Variants in SNTB2 observed in about 807,000 individuals in gnomAD.
SNTB2 encodes beta-2-syntrophin.
SNTB2 carries 34 observed loss-of-function variants against 46.2 expected under a neutral mutation model. That is an observed-to-expected ratio of 0.74 (90% CI 0.56 to 0.98). The LOEUF is 0.98. Ranked by LOEUF, SNTB2 falls within the 50% of genes least tolerant of loss-of-function variation. The pLI, the probability that SNTB2 is intolerant of heterozygous loss-of-function variation, is 0.00. For missense variants in SNTB2, 603 were observed against 731.4 expected, an observed-to-expected ratio of 0.82 and a Z score of 2.02; for synonymous variants, 290 against 312.6, an observed-to-expected ratio of 0.93 and a Z score of 0.76.
chr16:69,194,889 T>C (rs1964088383), intron 1 of SNTB2, among the ~76,000 whole-genome samples: 1 of 152,162 alleles, frequency 6.6e-6, no homozygotes, highest in Non-Finnish European at 1.5e-5. Flanking sequence ...CAGAAGATAA[T>C]ATAGATTAAA....
At chr16:69,219,522 C>T (rs1393410867) in intron 1 of SNTB2, among the ~76,000 whole-genome samples, 1 of 152,016 alleles carries the variant, frequency 6.6e-6, no homozygotes, top group Non-Finnish European at 1.5e-5. Flanking sequence ...AGAATACAAG[C>T]CTAGAGACTA....
At chr16:69,251,230 G>A (rs993264863) in intron 2 of SNTB2, among the ~76,000 whole-genome samples, 10 of 151,126 alleles carry the variant, frequency 6.6e-5, no homozygotes, top group South Asian at 4.2e-4. Flanking sequence ...TGCCCGCCTC[G>A]GCCTCCCAAA....
intron 3 of SNTB2, among the ~76,000 whole-genome samples, chr16:69,265,902 G>A (rs1964879790): frequency 6.6e-6 from 1 of 151,708 alleles, no homozygotes; most frequent in African/African-American, 2.4e-5. Context: ...ATGTGTAGGT[G>A]TTCAAACACA....
At chr16:69,255,890 A>AT (rs1450740542) in intron 2 of SNTB2, among the ~76,000 whole-genome samples, 1 of 150,462 alleles carries the variant, frequency 6.6e-6, no homozygotes, top group African/African-American at 2.5e-5. Context: ...AAAAAAAAAA[A>AT]AATTGGTTGG....
At chr16:69,254,556 A>T (rs1282467554) in intron 2 of SNTB2, among the ~76,000 whole-genome samples, 1 of 152,242 alleles carries the variant, frequency 6.6e-6, no homozygotes, top group Non-Finnish European at 1.5e-5. Flanking sequence ...AAAAAACTTG[A>T]CAAGTTGAAC....
intron 1 of SNTB2, among the ~76,000 whole-genome samples, chr16:69,197,533 G>A (rs1488555713): frequency 6.6e-6 from 1 of 152,144 alleles, no homozygotes; most frequent in Non-Finnish European, 1.5e-5. Flanking sequence ...TCTGCAAACT[G>A]TTTTGTAATG....
intron 4 of SNTB2, among the ~76,000 whole-genome samples, chr16:69,280,866 T>C (rs952375022): frequency 2.6e-5 from 4 of 151,988 alleles, no homozygotes; most frequent in Admixed American, 2.6e-4. Flanking sequence ...GGCGCAGTCT[T>C]GGCTCACTGT....
At chr16:69,278,443 CT>C (rs928851844) in intron 4 of SNTB2, among the ~76,000 whole-genome samples, 22 of 149,694 alleles carry the variant, frequency 1.5e-4, no homozygotes, top group East Asian at 1.2e-3. Flanking sequence ...GTATACTTCA[CT>C]TTTTTTTGTA....
chr16:69,296,236 C>T (rs768348889), intron 5 of SNTB2, among the ~76,000 whole-genome samples: 5 of 151,116 alleles, frequency 3.3e-5, no homozygotes, highest in Admixed American at 1.3e-4. Flanking sequence ...GCTAAGATCA[C>T]GCCATTACAC....
chr16:69,295,278 C>A (rs867177399), intron 5 of SNTB2, among the ~76,000 whole-genome samples: 6 of 101,822 alleles, frequency 5.9e-5, no homozygotes, highest in Non-Finnish European at 7.1e-5. Context: ...AAGTATTGCT[C>A]TGTCTGCCAG....
chr16:69,210,021 T>TA (rs1338306033), intron 1 of SNTB2, among the ~76,000 whole-genome samples: 4 of 131,410 alleles, frequency 3.0e-5, no homozygotes, highest in African/African-American at 1.3e-4. Context: ...GTTATTTAAT[T>TA]TTTTTTTTTT....
At chr16:69,215,789 C>G (rs542203417) in intron 1 of SNTB2, among the ~76,000 whole-genome samples, 165 of 152,198 alleles carry the variant, frequency 1.1e-3, no homozygotes, top group Admixed American at 2.1e-3. Flanking sequence ...AGATCAGATA[C>G]AGAAAGGCTC....
At chr16:69,200,543 A>C (rs570866946) in intron 1 of SNTB2, among the ~76,000 whole-genome samples, 38 of 152,370 alleles carry the variant, frequency 2.5e-4, no homozygotes, top group African/African-American at 9.1e-4. Context: ...CTAGAGCAGG[A>C]GGAAGATAAA....
intron 3 of SNTB2, among the ~76,000 whole-genome samples, chr16:69,260,874 A>G (rs958878027): frequency 6.6e-6 from 1 of 152,198 alleles, no homozygotes; most frequent in Admixed American, 6.5e-5. Flanking sequence ...ATTGTCTTCC[A>G]TAACTGAAAA....
At chr16:69,195,095 G>C (rs76784122) in intron 1 of SNTB2, among the ~76,000 whole-genome samples, 4 of 152,128 alleles carry the variant, frequency 2.6e-5, no homozygotes, top group Admixed American at 2.6e-4. Flanking sequence ...TTTCAAGCAA[G>C]TTTGTAACTG....
intron 5 of SNTB2, among the ~76,000 whole-genome samples, chr16:69,294,616 C>T (rs1965205361): frequency 6.6e-6 from 1 of 151,860 alleles, no homozygotes; most frequent in Non-Finnish European, 1.5e-5. Flanking sequence ...CCCTGTAGTC[C>T]CAGCTACTAG....
intron 1 of SNTB2, among the ~76,000 whole-genome samples, chr16:69,214,135 T>TTA (rs1555498269): frequency 6.7e-6 from 1 of 149,960 alleles, no homozygotes; most frequent in African/African-American, 2.4e-5. Context: ...TTATTTTTTT[T>TTA]TTTTTTATTT....
rs1567416294 is a variant in SNTB2 at position 69,292,370 on chromosome 16, AT to A, written c.1346-7219del. On this transcript the variant is annotated intron_variant, in intron 5 of 6. Transcript: ENST00000336278. ...CCTTATTTTTTATATATATATATAT[AT>A]ATATATATTATATATATATTATATA... Among the ~76,000 whole-genome samples the A allele has an allele frequency of 2.4e-4, 8 of 33,078 alleles. 1 individual carries two copies. Among genetic ancestry groups the A allele is most frequent in the South Asian group, 1.1e-3 (1 of 950 alleles). 21.7% of individuals were successfully genotyped at this position (33,078 alleles called of 152,430 possible).
At chr16:69,219,179 GT>G (rs1342200170) in intron 1 of SNTB2, among the ~76,000 whole-genome samples, 8 of 152,168 alleles carry the variant, frequency 5.3e-5, no homozygotes, top group African/African-American at 1.4e-4. Flanking sequence ...ATCAGGTCTG[GT>G]TCAGGAACTT....
Sources: allele counts gnomAD v4.1 joint callset (sites outside exome capture counted in the v4.1 genomes callset), GRCh38; gene constraint gnomAD v4.1.1; transcripts MANE v1.5; gene names NCBI Gene and HGNC (gene_info 2026-07-23, HGNC 2026-07-21).